PBX1: variants seen among roughly 807,000 people sequenced by gnomAD.
PBX1 encodes PBX homeobox 1, also known as pre-B-cell leukemia transcription factor 1.
A neutral mutation model predicts 53.4 loss-of-function variants in PBX1; 6 were observed. The ratio of observed to expected loss-of-function variants is 0.11; its 90% CI spans 0.06 to 0.22. The LOEUF (loss-of-function observed/expected upper bound fraction) is 0.22. Among genes scored for constraint, PBX1 ranks in the 10% least tolerant of loss-of-function variants. The probability of loss-of-function intolerance (pLI) is 1.00; values close to 1 mark genes in which losing one functional copy is unlikely to be tolerated. For synonymous variants in PBX1, 204 were observed against 212.3 expected, an observed-to-expected ratio of 0.96 and a Z score of 0.34; for missense variants, 251 against 551.4, an observed-to-expected ratio of 0.46 and a Z score of 5.46.
At chr1:164,662,335 A>G (rs1222248865) in intron 2 of PBX1, among the ~76,000 whole-genome samples, 1 of 152,118 alleles carries the variant, frequency 6.6e-6, no homozygotes, top group Non-Finnish European at 1.5e-5. Flanking sequence ...CAAACAAACA[A>G]ACAAAAACTT....
intron 2 of PBX1, chr1:164,657,495 AATG>A (rs1288840744): frequency 2.6e-5 from 4 of 152,204 alleles, no homozygotes; most frequent in Non-Finnish European, 5.9e-5. Flanking sequence ...TTAGAAATGA[AATG>A]ATAATTTTAC....
Position 164,848,809 on chromosome 1 carries a change from T to C in PBX1, c.*2133T>C. The C allele has an allele frequency of 1.9e-6, 2 of 1,062,950 alleles. No homozygotes were observed. The highest frequency in any genetic ancestry group is 2.3e-6 in the Non-Finnish European group (2 of 877,894). 65.8% of individuals were successfully genotyped at this position (1,062,950 alleles called of 1,614,324 possible). A position where few individuals can be genotyped will look rare whatever the true frequency, so the allele number is the denominator to read the frequency against. Reference sequence around the variant, plus strand: ...AGAACATGGAAATTCTGCTTGGCACTACAGTCATAAATAGAAAACACTGTG... The same window carrying C: ...AGAACATGGAAATTCTGCTTGGCACCACAGTCATAAATAGAAAACACTGTG... On this transcript the variant is annotated 3_prime_UTR_variant, in exon 9 of 9. Coordinates refer to ENST00000420696, the MANE Select transcript of PBX1 (RefSeq NM_002585.4).
At chr1:164,681,065 A>G (rs1571209903) in intron 2 of PBX1, among the ~76,000 whole-genome samples, 1 of 150,514 alleles carries the variant, frequency 6.6e-6, no homozygotes, top group Admixed American at 6.7e-5. Context: ...GGAGTTCGAG[A>G]CCAGCCTGAC....
chr1:164,870,316 T>TCTTTCTTC (rs1672342280), intron 2 of PBX1, among the ~76,000 whole-genome samples: 1 of 98,724 alleles, frequency 1.0e-5, no homozygotes, highest in Non-Finnish European at 2.1e-5. Context: ...TTTCTTTCTT[T>TCTTTCTTC]CTTTCTTTCT....
At chr1:164,690,786 T>C (rs1662425799) in intron 2 of PBX1, among the ~76,000 whole-genome samples, 2 of 152,078 alleles carry the variant, frequency 1.3e-5, no homozygotes, top group Non-Finnish European at 2.9e-5. Context: ...ATATTCAATA[T>C]ATGTTAACCT....
chr1:164,603,896 T>G (rs1656347427), intron 2 of PBX1, among the ~76,000 whole-genome samples: 1 of 147,952 alleles, frequency 6.8e-6, no homozygotes, highest in South Asian at 2.1e-4. Context: ...TGCTAGACAT[T>G]AATGCAAGAC....
intron 8 of PBX1, among the ~76,000 whole-genome samples, chr1:164,823,358 C>A (rs1363434451): frequency 6.6e-6 from 1 of 151,604 alleles, no homozygotes; most frequent in Non-Finnish European, 1.5e-5. Flanking sequence ...GGTTTATACA[C>A]ACATGCATTT....
chr1:164,594,464 G>A (rs560471260), intron 2 of PBX1, among the ~76,000 whole-genome samples: 3 of 152,070 alleles, frequency 2.0e-5, no homozygotes, highest in Non-Finnish European at 4.4e-5. Context: ...TGTATTTTTA[G>A]TGGAGACGGG....
At position 164,846,989 on chromosome 1, in the gene PBX1, C is replaced by G; in HGVS notation, c.*313C>G. 8.4e-7 allele frequency: 1 copy of G among 1,195,682 alleles called. No homozygotes were observed. The highest frequency in any genetic ancestry group is 1.0e-6 in the Non-Finnish European group (1 of 958,888). 74.1% of individuals were successfully genotyped at this position (1,195,682 alleles called of 1,614,324 possible). ...CCGGGGTCCCCGCCCTCTCTCATAT[C>G]ACTGAAGGATATTTTCAACAATTAG... On this transcript the variant is annotated 3_prime_UTR_variant, in exon 9 of 9. Transcript: ENST00000420696.
downstream of PBX1, among the ~76,000 whole-genome samples, chr1:164,852,948 TAA>T (rs1671892029): frequency 6.6e-6 from 1 of 152,212 alleles, no homozygotes; most frequent in African/African-American, 2.4e-5. Context: ...AATTAGGGGC[TAA>T]CTCACCCACC....
At chr1:164,596,460 G>T (rs1461132643) in intron 2 of PBX1, among the ~76,000 whole-genome samples, 1 of 152,222 alleles carries the variant, frequency 6.6e-6, no homozygotes, top group Non-Finnish European at 1.5e-5. Context: ...CTAACCATGG[G>T]TGATTTGCCC....
intron 2 of PBX1, among the ~76,000 whole-genome samples, chr1:164,602,700 A>G (rs1316732974): frequency 6.7e-6 from 1 of 149,812 alleles, no homozygotes; most frequent in East Asian, 1.9e-4. Context: ...TCAAAGTCCC[A>G]AACAGATTGA....
intron 2 of PBX1, among the ~76,000 whole-genome samples, chr1:164,636,339 G>A (rs1222929077): frequency 6.6e-6 from 1 of 152,138 alleles, no homozygotes; most frequent in Non-Finnish European, 1.5e-5. Context: ...TGACCATCTT[G>A]AAGGCATCTT....
At chr1:164,652,257 C>T (rs1557917475) in intron 2 of PBX1, 1 of 152,056 alleles carries the variant, frequency 6.6e-6, no homozygotes, top group Non-Finnish European at 1.5e-5. Context: ...GGGATTTCAC[C>T]ATGTTGGCCA....
intron 2 of PBX1, among the ~76,000 whole-genome samples, chr1:164,608,412 G>A (rs1017564574): frequency 3.9e-5 from 6 of 152,152 alleles, no homozygotes; most frequent in African/African-American, 1.4e-4. Context: ...CCTATGCGGA[G>A]TGTACTGGTT....
chr1:164,676,992 G>A (rs1489197316), intron 2 of PBX1, among the ~76,000 whole-genome samples: 1 of 151,710 alleles, frequency 6.6e-6, no homozygotes, highest in Non-Finnish European at 1.5e-5. Flanking sequence ...TTTCCCAACT[G>A]GAAGGTAATT....
In PBX1 at chr1:164,846,764, C is replaced by T; in HGVS notation, c.*88C>T. ...GTTTCTCTCCCAACGCTGAAGCGGT[C>T]AGACTGGAGGTCGAAGCAATCAGCA... On this transcript the variant is annotated 3_prime_UTR_variant, in exon 9 of 9. Coordinates refer to ENST00000420696, the MANE Select transcript of PBX1 (RefSeq NM_002585.4). 1.2e-6 allele frequency: 2 copies of T among 1,607,888 alleles called. No homozygotes were observed. Among genetic ancestry groups the T allele is most frequent in the South Asian group, 2.2e-5 (2 of 90,678 alleles).
intron 2 of PBX1, among the ~76,000 whole-genome samples, chr1:164,882,089 A>G (rs1409603074): frequency 6.6e-6 from 1 of 151,630 alleles, no homozygotes; most frequent in African/African-American, 2.4e-5. Context: ...TGCAATCCAA[A>G]TGATTTAAAC....
At chr1:164,658,854 C>T (rs1660324107) in intron 2 of PBX1, among the ~76,000 whole-genome samples, 1 of 152,182 alleles carries the variant, frequency 6.6e-6, no homozygotes, top group Admixed American at 6.5e-5. Flanking sequence ...GAGGTAGAGG[C>T]TCTTATTATC....
Sources: gnomAD v4.1 joint callset for allele counts (sites outside exome capture counted in the v4.1 genomes callset) on GRCh38, gnomAD v4.1.1 for gene constraint, MANE v1.5 for transcripts, NCBI Gene and HGNC (gene_info 2026-07-23, HGNC 2026-07-21) for gene names.